Variants in THEMIS observed in about 807,000 individuals in gnomAD.
THEMIS encodes the protein thymocyte selection associated.
THEMIS carries 37 observed loss-of-function variants against 52.6 expected under a neutral mutation model. The ratio of observed to expected loss-of-function variants is 0.70; its 90% confidence interval spans 0.54 to 0.93. The LOEUF (loss-of-function observed/expected upper bound fraction) is 0.93, where lower values mean the gene tolerates loss of function less well. Among genes scored for constraint, THEMIS ranks in the 40% least tolerant of loss-of-function variants. The pLI is 0.00. For synonymous variants in THEMIS, 292 were observed against 272.7 expected (o/e 1.07, Z -0.70); for missense variants, 808 against 763.1 (o/e 1.06, Z -0.69).
rs72618504 is a variant in THEMIS, at chr6:127,876,823, A to C, written c.92-21635T>G. Among the ~76,000 whole-genome samples, 5,031 of 152,252 alleles carry C rather than the reference A, an allele frequency of 0.033. 650 individuals are homozygous for C. The East Asian group carries it at 0.4, about 12-fold the overall frequency. The stretch of plus-strand genomic sequence containing the variant: ...AGCATCTTGGACATACGTGGAAATA[A>C]ATTTTTAAGATTATTATAATACCCT... On this transcript the variant is annotated intron_variant, in intron 1 of 5. Transcript: ENST00000368248.
At chr6:127,907,011 A>G (rs958638512) in intron 1 of THEMIS, among the ~76,000 whole-genome samples, 1 of 152,020 alleles carries the variant, frequency 6.6e-6, no homozygotes, top group Non-Finnish European at 1.5e-5. Context: ...TTAAAACTAT[A>G]TTATAATATT....
At chr6:127,872,050 C>T (rs183035439) in intron 1 of THEMIS, among the ~76,000 whole-genome samples, 7 of 152,088 alleles carry the variant, frequency 4.6e-5, no homozygotes, top group African/African-American at 1.7e-4. Flanking sequence ...GACAAAAATC[C>T]TTCACAGAAA....
At chr6:127,777,842 G>A (rs1198174577) in intron 4 of THEMIS, among the ~76,000 whole-genome samples, 1 of 152,066 alleles carries the variant, frequency 6.6e-6, no homozygotes, top group Non-Finnish European at 1.5e-5. Context: ...TTTCAGATTA[G>A]AGTACATATG....
intron 3 of THEMIS, among the ~76,000 whole-genome samples, chr6:127,819,118 T>TAA (rs142123167): frequency 0.013 from 255 of 19,488 alleles, 3 homozygotes; most frequent in Non-Finnish European, 0.016. Flanking sequence ...AGACTCTGTC[T>TAA]AAAAAAAAAA....
chr6:127,829,266 A>G (rs929116368), intron 3 of THEMIS, among the ~76,000 whole-genome samples: 4 of 152,226 alleles, frequency 2.6e-5, no homozygotes, highest in Non-Finnish European at 4.4e-5. Flanking sequence ...GAATAGCACC[A>G]TACAATTTAC....
intron 3 of THEMIS, among the ~76,000 whole-genome samples, chr6:127,823,547 T>C (rs1778409603): frequency 6.6e-6 from 1 of 152,184 alleles, no homozygotes; most frequent in African/African-American, 2.4e-5. Context: ...TGAATGCTTA[T>C]GGAACATTTA....
At chr6:127,757,773 A>G (rs1316905944) in intron 4 of THEMIS, among the ~76,000 whole-genome samples, 6 of 152,080 alleles carry the variant, frequency 3.9e-5, no homozygotes, top group Non-Finnish European at 8.8e-5. Context: ...ATGAACCACC[A>G]TGCCCGGCCC....
Position 127,829,756 on chromosome 6 carries a change from C to T in THEMIS, c.429G>A (p.Glu143=), listed in dbSNP as rs772433788. 4.8e-5 allele frequency: 77 copies of T among 1,614,010 alleles called. No homozygotes were observed. Among genetic ancestry groups the T allele is most frequent in the Non-Finnish European group, 6.5e-5 (77 of 1,180,016 alleles). ...GEQIMLNSVE[E]IDGEIMVSCA... ...AGCTCACCATTATTTCTCCATCAAT[C>T]TCTTCAACTGAGTTGAGCATGATTT... The change falls in exon 3 of 6, where the codon GAG becomes GAA. Residue 143 remains glutamate, a synonymous_variant. Coordinates refer to ENST00000368248, the MANE Select transcript of THEMIS (RefSeq NM_001010923.3).
chr6:127,917,952 G>A (rs1304198585), intron 1 of THEMIS, among the ~76,000 whole-genome samples: 1 of 152,072 alleles, frequency 6.6e-6, no homozygotes, highest in Non-Finnish European at 1.5e-5. Flanking sequence ...ACTTACATTT[G>A]CATATGTCAG....
intron 4 of THEMIS, among the ~76,000 whole-genome samples, chr6:127,771,799 A>T (rs1230839334): frequency 6.6e-6 from 1 of 152,090 alleles, no homozygotes; most frequent in Non-Finnish European, 1.5e-5. Context: ...ACTTCTCCAT[A>T]ATTACAAAGT....
intron 4 of THEMIS, among the ~76,000 whole-genome samples, chr6:127,798,470 C>T (rs1413032941): frequency 6.6e-6 from 1 of 152,142 alleles, no homozygotes; most frequent in Non-Finnish European, 1.5e-5. Flanking sequence ...CGAATTCTAG[C>T]TTACACTCTG....
chr6:127,731,385 G>A (rs752885901), intron 4 of THEMIS, among the ~76,000 whole-genome samples: 2 of 151,236 alleles, frequency 1.3e-5, no homozygotes, highest in African/African-American at 2.4e-5. Flanking sequence ...CAGATATGTC[G>A]GGGAAAAAAA....
At chr6:127,738,154 A>G (rs1217641985) in intron 4 of THEMIS, among the ~76,000 whole-genome samples, 1 of 152,180 alleles carries the variant, frequency 6.6e-6, no homozygotes, top group Non-Finnish European at 1.5e-5. Flanking sequence ...GTATGCTGTA[A>G]TTCTAGAGGG....
At chr6:127,834,071 A>G (rs1778791581) in intron 2 of THEMIS, among the ~76,000 whole-genome samples, 1 of 152,216 alleles carries the variant, frequency 6.6e-6, no homozygotes, top group Non-Finnish European at 1.5e-5. Context: ...GAGTGACTCC[A>G]ACAATCTTCA....
chr6:127,840,946 G>T (rs1779027354), intron 2 of THEMIS, among the ~76,000 whole-genome samples: 1 of 152,076 alleles, frequency 6.6e-6, no homozygotes, highest in African/African-American at 2.4e-5. Flanking sequence ...GATTAGAGGA[G>T]AGAGGGGAAT....
intron 4 of THEMIS, among the ~76,000 whole-genome samples, chr6:127,762,868 C>A (rs995651170): frequency 6.6e-6 from 1 of 151,912 alleles, no homozygotes; most frequent in Non-Finnish European, 1.5e-5. Context: ...AGGCTACATA[C>A]ACAGAAGTAA....
chr6:127,719,964 T>C, intron 4 of THEMIS, 141 bp from the exon 5 acceptor site: 1 of 1,077,108 alleles, frequency 9.3e-7, no homozygotes, highest in Non-Finnish European at 1.3e-6. Context: ...ACAAATTATA[T>C]GTTCATCAAT....
chr6:127,894,696 C>A (rs1780910777), intron 1 of THEMIS, among the ~76,000 whole-genome samples: 1 of 151,516 alleles, frequency 6.6e-6, no homozygotes, highest in Non-Finnish European at 1.5e-5. Flanking sequence ...AAACCAAATT[C>A]TAGCTTCTTT....
chr6:127,763,278 AT>A (rs1366005639), intron 4 of THEMIS, among the ~76,000 whole-genome samples: 1 of 152,012 alleles, frequency 6.6e-6, no homozygotes, highest in African/African-American at 2.4e-5. Context: ...CTCACTATGC[AT>A]TTATAGTGCT....
Sources: gnomAD v4.1 joint callset for allele counts (sites outside exome capture counted in the v4.1 genomes callset) on GRCh38, gnomAD v4.1.1 for gene constraint, MANE v1.5 for transcripts, NCBI Gene and HGNC (gene_info 2026-07-23, HGNC 2026-07-21) for gene names.